SLC7A9: variants seen among roughly 807,000 people sequenced by gnomAD.
The protein encoded by SLC7A9 is solute carrier family 7 member 9, also known as B(0,+)-type amino acid transporter 1.
Under a neutral mutation model 54.1 loss-of-function variants are expected in SLC7A9, and 38 were observed. The observed-to-expected ratio is 0.70, with a 90% CI of 0.54 to 0.92. The LOEUF is 0.92. Among genes scored for constraint, SLC7A9 ranks in the 40% least tolerant of loss-of-function variants. The pLI, the probability that SLC7A9 is intolerant of heterozygous loss-of-function variation, is 0.00. For synonymous variants in SLC7A9, 264 were observed against 258.9 expected, an observed-to-expected ratio of 1.02 and a Z score of -0.19; for missense variants, 537 against 636.1, an observed-to-expected ratio of 0.84 and a Z score of 1.68.
chr19:32,866,281 C>T (rs73036869), intron 2 of SLC7A9, among the ~76,000 whole-genome samples: 16,533 of 152,134 alleles, frequency 0.11, 1,354 homozygotes, highest in African/African-American at 0.22. Flanking sequence ...GGGATGGGCT[C>T]AGCTCTCCTC....
At chr19:32,855,498 G>C (rs930977704) in intron 9 of SLC7A9, among the ~76,000 whole-genome samples, 3 of 152,124 alleles carry the variant, frequency 2.0e-5, no homozygotes, top group Non-Finnish European at 4.4e-5. Context: ...AGGAGATCAA[G>C]ACCATCCTGG....
Position 32,845,761 on chromosome 19 carries a change from A to G in SLC7A9, c.978-1810T>C, listed in dbSNP as rs555155998. On this transcript the variant is annotated intron_variant, in intron 9 of 12. Transcript: ENST00000023064. ...AGTGGTTCATGCCTGTAATCCCAGGACTTCGGGAGGCCGAGGCGGGTGGAT... is the reference window on the plus strand; with the variant it reads ...AGTGGTTCATGCCTGTAATCCCAGGGCTTCGGGAGGCCGAGGCGGGTGGAT... 2.2e-4 allele frequency among the ~76,000 whole-genome samples: 33 copies of G among 152,330 alleles called. No individual in the cohort carries two copies. In the South Asian group the frequency reaches 6.8e-3, roughly 32 times the overall value.
chr19:32,845,481 G>A (rs766445353), intron 9 of SLC7A9, among the ~76,000 whole-genome samples: 36 of 152,082 alleles, frequency 2.4e-4, no homozygotes, highest in African/African-American at 4.3e-4. Context: ...CAGCCTGAGC[G>A]ACAGAACAAG....
chr19:32,865,938 G>A (rs1968954060), intron 2 of SLC7A9, among the ~76,000 whole-genome samples: 1 of 145,048 alleles, frequency 6.9e-6, no homozygotes, highest in Non-Finnish European at 1.5e-5. Flanking sequence ...ACTCCAGCCT[G>A]GGTGACAGTG....
At chr19:32,839,712 T>C (rs1049690879) in intron 11 of SLC7A9, among the ~76,000 whole-genome samples, 3 of 152,196 alleles carry the variant, frequency 2.0e-5, no homozygotes, top group Non-Finnish European at 4.4e-5. Flanking sequence ...CTCCACTCTC[T>C]TGCAGCATGA....
At chr19:32,841,791 C>T (rs1245170677) in intron 11 of SLC7A9, among the ~76,000 whole-genome samples, 1 of 152,088 alleles carries the variant, frequency 6.6e-6, no homozygotes, top group Non-Finnish European at 1.5e-5. Context: ...TCTGTAATCC[C>T]AGCAACTTGG....
rs145649930 is a variant in SLC7A9 at position 32,832,480 on chromosome 19, G to A, written c.1399+669C>T. 5.1e-3 allele frequency among the ~76,000 whole-genome samples: 774 copies of A among 151,726 alleles called. 6 individuals are homozygous for A. The highest frequency in any genetic ancestry group is 0.016 in the African/African-American group (648 of 41,342). On this transcript the variant is annotated intron_variant, in intron 12 of 12. Transcript: ENST00000023064. ...TGCACACCTGTAATCCCAGCTACTC[G>A]GAAGGCTGAGGCACAAGAATCGCTT... is the stretch of plus-strand genomic sequence containing the variant.
intron 11 of SLC7A9, among the ~76,000 whole-genome samples, chr19:32,839,637 G>A (rs2145805464): frequency 2.0e-5 from 3 of 151,908 alleles, no homozygotes; most frequent in Admixed American, 2.0e-4. Context: ...ATTCTGCAAG[G>A]TCAGTTTGGC....
At chr19:32,864,577 G>T in intron 3 of SLC7A9, 52 bp downstream of exon 3, 1 of 1,606,570 alleles carries the variant, frequency 6.2e-7, no homozygotes. Flanking sequence ...GCAGCTGCCT[G>T]GCGTGCCCCT....
chr19:32,858,770 T>A lies in SLC7A9; in HGVS notation c.874-227A>T, dbSNP rs11666241. 0.093 allele frequency among the ~76,000 whole-genome samples: 10,773 copies of A among 116,436 alleles called. 448 individuals are homozygous for A. The highest frequency in any genetic ancestry group is 0.16 in the South Asian group (677 of 4,192). 76.4% of individuals were successfully genotyped at this position (116,436 alleles called of 152,430 possible). ...ATCTACTACTCCCTGGCATAAATCTTTATTTATTTATTTATTTATTTATTT... is the reference window on the plus strand; with the variant it reads ...ATCTACTACTCCCTGGCATAAATCTATATTTATTTATTTATTTATTTATTT... On this transcript the variant is annotated intron_variant, in intron 8 of 12. Transcript: ENST00000023064.
At chr19:32,844,857 CAAAAAAAAA>C (rs386388892) in intron 9 of SLC7A9, among the ~76,000 whole-genome samples, 14 of 30,314 alleles carry the variant, frequency 4.6e-4, no homozygotes, top group East Asian at 2.7e-3. Context: ...GAATCCATCT[CAAAAAAAAA>C]AAAAAAAAAA....
Position 32,838,752 on chromosome 19 carries a change from C to T in SLC7A9, c.1224+3416G>A, listed in dbSNP as rs555843020. Among the ~76,000 whole-genome samples, 9 of 147,610 alleles carry T rather than the reference C, an allele frequency of 6.1e-5. No homozygotes were observed. The South Asian group carries it at 1.9e-3, about 31-fold the overall frequency. On this transcript the variant is annotated intron_variant, in intron 11 of 12. Transcript: ENST00000023064. The stretch of plus-strand genomic sequence containing the variant: ...TGTATAACAGACATGTAATGATACA[C>T]ATATACATATATACATATATGCACA...
chr19:32,862,470 G>A lies in SLC7A9; in HGVS notation c.595C>T (p.Leu199=), dbSNP rs1283053963. The A allele has an allele frequency of 6.2e-7, 1 of 1,612,998 alleles. No homozygotes were observed. The highest frequency in any genetic ancestry group is 1.1e-5 in the South Asian group (1 of 91,018). ...AIIIISGLVL[L]AQGNTKNFDN... is the part of the protein sequence containing the mutation. ...CCCTCCCGTGGGTCACCTTGGGCCA[G>A]GAGCACCAGCCCGCTGATGATGATG... The change falls in exon 5 of 13, where the codon CTG becomes TTG. Residue 199 remains leucine, a synonymous_variant. Coordinates refer to ENST00000023064, the MANE Select transcript of SLC7A9 (RefSeq NM_014270.5).
At chr19:32,860,722 AT>A in intron 6 of SLC7A9, 72 bp from the exon 7 acceptor site, 1 of 1,585,186 alleles carries the variant, frequency 6.3e-7, no homozygotes, top group Non-Finnish European at 8.6e-7. Context: ...ACAATAATAA[AT>A]GTTGGCCTCA....
chr19:32,855,650 C>G (rs183837364), intron 9 of SLC7A9, among the ~76,000 whole-genome samples: 177 of 151,808 alleles, frequency 1.2e-3, no homozygotes, highest in East Asian at 8.9e-3. Flanking sequence ...TGCAGTGAGC[C>G]GAGATCATGC....
intron 9 of SLC7A9, among the ~76,000 whole-genome samples, chr19:32,848,874 AG>A (rs1968379713): frequency 6.6e-6 from 1 of 152,242 alleles, no homozygotes; most frequent in African/African-American, 2.4e-5. Context: ...CTCAGGATTA[AG>A]AATCTCACTC....
Position 32,860,654 on chromosome 19 carries a change from G to GA in SLC7A9, c.705-5dup, listed in dbSNP as rs1487868008. 1.2e-6 allele frequency: 2 copies of GA among 1,613,896 alleles called. No homozygotes were observed. Among genetic ancestry groups the GA allele is most frequent in the African/African-American group, 2.7e-5 (2 of 74,864 alleles). On this transcript the variant is annotated splice_region_variant and splice_polypyrimidine_tract_variant and intron_variant, in intron 6 of 12. Coordinates refer to ENST00000023064, the MANE Select transcript of SLC7A9 (RefSeq NM_014270.5). ...TGTGATGTAATTGAGTTGATTCCTG[G>GA]AAAAAGGAAAGTAACAAGCGTCACA...
intron 9 of SLC7A9, among the ~76,000 whole-genome samples, chr19:32,846,403 C>T (rs1164621171): frequency 1.3e-5 from 2 of 152,218 alleles, no homozygotes; most frequent in Admixed American, 1.3e-4. Context: ...CCTACGCCCA[C>T]AGAGTCTCAC....
Position 32,862,453 on chromosome 19 carries a change from T to C in SLC7A9, c.604+8A>G. The C allele has an allele frequency of 6.2e-7, 1 of 1,612,558 alleles. No individual in the cohort carries two copies. The highest frequency in any genetic ancestry group is 8.5e-7 in the Non-Finnish European group (1 of 1,179,962). Reference sequence around the variant, plus strand: ...TGCCCGTGCAGGGCCCACCCTCCCGTGGGTCACCTTGGGCCAGGAGCACCA... The same window carrying C: ...TGCCCGTGCAGGGCCCACCCTCCCGCGGGTCACCTTGGGCCAGGAGCACCA... On this transcript the variant is annotated splice_region_variant and intron_variant, in intron 5 of 12. Transcript: ENST00000023064.
Sources: gnomAD v4.1 joint callset for allele counts (sites outside exome capture counted in the v4.1 genomes callset) on GRCh38, gnomAD v4.1.1 for gene constraint, MANE v1.5 for transcripts, NCBI Gene and HGNC (gene_info 2026-07-23, HGNC 2026-07-21) for gene names.